The following SPPL2B variants were observed in gnomAD, a reference collection of about 807,000 sequenced individuals.
The protein encoded by SPPL2B is signal peptide peptidase-like 2B.
SPPL2B carries 39 observed loss-of-function variants against 59.7 expected under a neutral mutation model. The ratio of observed to expected loss-of-function variants is 0.65; its 90% CI spans 0.51 to 0.85. SPPL2B has a LOEUF of 0.85. Ranked by LOEUF, SPPL2B falls within the 40% of genes least tolerant of loss-of-function variation. The probability of loss-of-function intolerance (pLI) is 0.00; values close to 1 mark genes in which losing one functional copy is unlikely to be tolerated. For synonymous variants in SPPL2B, 419 were observed against 370.8 expected, an observed-to-expected ratio of 1.13 and a Z score of -1.49; for missense variants, 865 against 849.0, an observed-to-expected ratio of 1.02 and a Z score of -0.23.
In SPPL2B at chr19:2,337,443, T is replaced by A. The variant is rs1448384848; in HGVS notation, c.187T>A (p.Ser63Thr). The change falls in exon 3 of 15, where the codon TCT (serine) becomes ACT (threonine). Residue 63 changes from serine (S) to threonine (T), a missense_variant and splice_region_variant. Physicochemically the swap from Ser to Thr is moderately conservative, Grantham distance 58. Coordinates refer to ENST00000613503, the MANE Select transcript of SPPL2B (RefSeq NM_152988.3). ...AHLPHDLSKA[S>T]FLQLRNWTAS... ...CAACACTGTGCCCTGGCCTTTCCAG[T>A]CTTTCCTGCAGCTGCGCAACTGGAC... is the stretch of plus-strand genomic sequence containing the variant. The A allele has an allele frequency of 1.3e-6, 2 of 1,596,468 alleles. No individual in the cohort carries two copies. The highest frequency in any genetic ancestry group is 4.5e-5 in the East Asian group (2 of 44,518).
At chr19:2,344,808 G>C (rs1969275262) in intron 12 of SPPL2B, among the ~76,000 whole-genome samples, 156 bp downstream of exon 12, 1 of 152,212 alleles carries the variant, frequency 6.6e-6, no homozygotes, top group South Asian at 2.1e-4. Context: ...AGGCCTGGGT[G>C]CCTGGGCAGC....
intron 2 of SPPL2B, 36 bp downstream of exon 2, chr19:2,334,757 G>C: frequency 1.3e-6 from 2 of 1,495,674 alleles, no homozygotes; most frequent in Non-Finnish European, 1.8e-6. Flanking sequence ...CTGCGGAGGA[G>C]AATGCGGGGG....
intron 7 of SPPL2B, among the ~76,000 whole-genome samples, 182 bp from the exon 8 acceptor site, chr19:2,340,716 G>A (rs999097750): frequency 4.6e-5 from 7 of 152,110 alleles, no homozygotes; most frequent in African/African-American, 9.7e-5. Context: ...TGCCCGGGTC[G>A]GGCTCTGCCC....
At chr19:2,349,123 C>G (rs1305930813) in intron 13 of SPPL2B, among the ~76,000 whole-genome samples, 1 of 119,102 alleles carries the variant, frequency 8.4e-6, no homozygotes, top group Non-Finnish European at 1.7e-5. Context: ...TTCTCTCCCT[C>G]CACACACACT....
At chr19:2,336,569 T>C (rs1568432014) in intron 2 of SPPL2B, among the ~76,000 whole-genome samples, 1 of 152,072 alleles carries the variant, frequency 6.6e-6, no homozygotes, top group Non-Finnish European at 1.5e-5. Flanking sequence ...TAGGTGTGTG[T>C]GCGTGAGCTT....
rs1970086378 is a variant in SPPL2B at position 2,354,548 on chromosome 19, C to G, written c.*1339C>G. 1 of 152,290 alleles carries G rather than the reference C, an allele frequency of 6.6e-6. No individual in the cohort carries two copies. The highest frequency in any genetic ancestry group is 2.1e-4 in the South Asian group (1 of 4,830). 9.4% of individuals were successfully genotyped at this position (152,290 alleles called of 1,614,324 possible). ...CGGGGACTGCTGAGCGCTGCGCTCT[C>G]ACGGGTCTGTTCCGGACAGAGGGTG... On this transcript the variant is annotated 3_prime_UTR_variant, in exon 15 of 15. Transcript: ENST00000613503.
At chr19:2,340,484 AG>A in intron 7 of SPPL2B, 2 of 604,180 alleles carry the variant, frequency 3.3e-6, no homozygotes, top group Non-Finnish European at 6.1e-6. Flanking sequence ...GGTTCCCCAC[AG>A]CCCAGAGCTT....
At chr19:2,341,531 C>T (rs1249697874) in intron 8 of SPPL2B, 1 of 448,736 alleles carries the variant, frequency 2.2e-6, no homozygotes, top group Non-Finnish European at 4.5e-6. Flanking sequence ...CGGGCCTCCC[C>T]CATGAGGCCG....
intron 13 of SPPL2B, among the ~76,000 whole-genome samples, chr19:2,350,161 C>A (rs1342741992): frequency 6.5e-5 from 9 of 139,286 alleles, no homozygotes; most frequent in Non-Finnish European, 1.2e-4. Flanking sequence ...CACACACTCA[C>A]GCGCTCTCAT....
At chr19:2,344,701 C>T (rs573892027) in intron 12 of SPPL2B, 49 bp downstream of exon 12, 15 of 1,281,362 alleles carry the variant, frequency 1.2e-5, no homozygotes, top group South Asian at 4.9e-5. Flanking sequence ...GGCAGGGCCC[C>T]GGGCGGCTGA....
At chr19:2,335,207 G>A (rs969736761) in intron 2 of SPPL2B, among the ~76,000 whole-genome samples, 16 of 133,292 alleles carry the variant, frequency 1.2e-4, no homozygotes, top group Admixed American at 5.9e-4. Flanking sequence ...CTCAGGCCCC[G>A]CCTCCTTTCC....
rs189267030 is a variant in SPPL2B, at chr19:2,347,128, C to T, written c.1354+1798C>T. ...CTTGATTCCGTTCTCTCTCCCTCCA[C>T]ACACACTTACGCGCTCTCATTCACC... On this transcript the variant is annotated intron_variant, in intron 13 of 14. Coordinates refer to ENST00000613503, the MANE Select transcript of SPPL2B (RefSeq NM_152988.3). 3.1e-3 allele frequency among the ~76,000 whole-genome samples: 477 copies of T among 151,902 alleles called. 1 individual carries two copies. The highest frequency in any genetic ancestry group is 0.011 in the African/African-American group (442 of 41,386).
chr19:2,337,545 A>C lies in SPPL2B; in HGVS notation c.289A>C (p.Asn97His). ...SNQIPLVARG[N>H]CTFYEKVRLA... The stretch of plus-strand genomic sequence containing the variant: ...CCAGATCCCGCTGGTGGCGCGGGGG[A>C]ACTGCACCTTCTATGAGAAAGTGAG... The change falls in exon 3 of 15, where the codon AAC becomes CAC. Residue 97 changes from asparagine (N) to histidine (H), a missense_variant. By Grantham distance (68) the Asn-to-His change is moderately conservative. Coordinates refer to ENST00000613503, the MANE Select transcript of SPPL2B (RefSeq NM_152988.3). 6.2e-7 allele frequency: 1 copy of C among 1,612,610 alleles called. No individual in the cohort carries two copies. Among genetic ancestry groups the C allele is most frequent in the South Asian group, 1.1e-5 (1 of 91,040 alleles).
intron 7 of SPPL2B, among the ~76,000 whole-genome samples, 155 bp downstream of exon 7, chr19:2,340,327 G>A (rs1968952831): frequency 6.6e-6 from 1 of 152,184 alleles, no homozygotes; most frequent in African/African-American, 2.4e-5. Flanking sequence ...CCCAGGAGCA[G>A]GGCGGAGTCT....
At chr19:2,340,819 G>A (rs1262644409) in intron 7 of SPPL2B, 79 bp from the exon 8 acceptor site, 14 of 808,392 alleles carry the variant, frequency 1.7e-5, no homozygotes, top group Non-Finnish European at 2.7e-5. Flanking sequence ...GGGGTGCCTG[G>A]GCCGGTCCCA....
In SPPL2B at chr19:2,353,026, C is replaced by T; in HGVS notation, c.1596C>T (p.Ser532=). The T allele has an allele frequency of 6.2e-7, 1 of 1,612,134 alleles. No homozygotes were observed. Among genetic ancestry groups the T allele is most frequent in the Non-Finnish European group, 8.5e-7 (1 of 1,179,680 alleles). ...QPPKDSATPL[S]PQPPSEEPAT... ...CCAAAGACTCTGCCACGCCACTCTCCCCGCAGCCGCCCAGCGAAGAACCAG... is the reference window on the plus strand; with the variant it reads ...CCAAAGACTCTGCCACGCCACTCTCTCCGCAGCCGCCCAGCGAAGAACCAG... The change falls in exon 15 of 15, where the codon TCC becomes TCT. Residue 532 remains serine (S), a synonymous_variant. Coordinates refer to ENST00000613503, the MANE Select transcript of SPPL2B (RefSeq NM_152988.3).
chr19:2,345,277 G>A lies in SPPL2B; in HGVS notation c.1301G>A (p.Arg434Lys). Residue 434 changes from arginine to lysine, a missense_variant, in exon 13 of 15, where the codon AGG (arginine) becomes AAG (lysine). Transcript: ENST00000613503. Reference sequence around the variant, plus strand: ...GGGCTGCTGGTGGCCTACTGCCACAGGTTTGACATCCAGGTACAGTCCTCC... The same window carrying A: ...GGGCTGCTGGTGGCCTACTGCCACAAGTTTGACATCCAGGTACAGTCCTCC... Reference protein sequence around the residue: ...VPGLLVAYCHRFDIQVQSSRV... With the variant: ...VPGLLVAYCHKFDIQVQSSRV... 1 of 1,613,028 alleles carries A rather than the reference G, an allele frequency of 6.2e-7. No individual in the cohort carries two copies. Among genetic ancestry groups the A allele is most frequent in the Middle Eastern group, 1.7e-4 (1 of 6,058 alleles).
intron 5 of SPPL2B, 147 bp downstream of exon 5, chr19:2,339,355 G>C: frequency 2.1e-6 from 2 of 961,634 alleles, no homozygotes; most frequent in Non-Finnish European, 1.5e-6. Context: ...TCCTCAGGAG[G>C]TCCTGGGACA....
At chr19:2,348,814 G>A (rs1165575403) in intron 13 of SPPL2B, among the ~76,000 whole-genome samples, 2 of 114,850 alleles carry the variant, frequency 1.7e-5, no homozygotes, top group African/African-American at 3.6e-5. Flanking sequence ...ACACACTCGT[G>A]TTCTCATTCG....
Sources: allele counts gnomAD v4.1 joint callset (sites outside exome capture counted in the v4.1 genomes callset), GRCh38; gene constraint gnomAD v4.1.1; transcripts MANE v1.5; gene names NCBI Gene and HGNC (gene_info 2026-07-23, HGNC 2026-07-21).